The following CSRNP3 variants were observed in gnomAD, a reference collection of about 807,000 sequenced individuals.
The protein encoded by CSRNP3 is cysteine/serine-rich nuclear protein 3.
Under a neutral mutation model 48.0 loss-of-function variants are expected in CSRNP3, and 12 were observed. The ratio of observed to expected loss-of-function variants is 0.25; its 90% CI spans 0.16 to 0.41. The LOEUF is 0.41. Ranked by LOEUF, CSRNP3 falls within the 10% of genes least tolerant of loss-of-function variation. The pLI, the probability that CSRNP3 is intolerant of heterozygous loss-of-function variation, is 1.00. For missense variants in CSRNP3, 580 were observed against 724.4 expected (o/e 0.80, Z 2.29); for synonymous variants, 263 against 269.7 (o/e 0.98, Z 0.24).
chr2:165,477,962 G>A (rs1683987375), intron 1 of CSRNP3, among the ~76,000 whole-genome samples: 1 of 151,526 alleles, frequency 6.6e-6, no homozygotes, highest in African/African-American at 2.4e-5. Context: ...GGGTGACAGA[G>A]TGAGACCCTG....
chr2:165,592,419 G>A (rs1685732885), intron 3 of CSRNP3, among the ~76,000 whole-genome samples: 1 of 152,112 alleles, frequency 6.6e-6, no homozygotes, highest in Non-Finnish European at 1.5e-5. Flanking sequence ...CTAGACCTTA[G>A]GGGGGCCGTT....
intron 3 of CSRNP3, among the ~76,000 whole-genome samples, chr2:165,533,418 A>C (rs1438644150): frequency 6.6e-6 from 1 of 152,092 alleles, no homozygotes; most frequent in Non-Finnish European, 1.5e-5. Flanking sequence ...TTTACACTGT[A>C]GCAATGGGAA....
Position 165,687,763 on chromosome 2 carries a change from G to A in CSRNP3, c.*8010G>A, listed in dbSNP as rs528177509. The stretch of plus-strand genomic sequence containing the variant: ...GCCTGAAAACGAAGGGAGGTGTCGT[G>A]GAGAAATGGTGATTTTTCTGGTTAC... On this transcript the variant is annotated 3_prime_UTR_variant, in exon 7 of 7. Transcript: ENST00000651982. The A allele has an allele frequency of 5.3e-5, 8 of 152,140 alleles. No homozygotes were observed. Among genetic ancestry groups the A allele is most frequent in the African/African-American group, 1.7e-4 (7 of 41,534 alleles). The allele number at this position is 152,140 out of a possible 1,614,324, so 9.4% of individuals were successfully genotyped here. A position where few individuals can be genotyped will look rare whatever the true frequency, so the allele number is the denominator to read the frequency against.
rs200903282 is a variant in CSRNP3 at position 165,626,121 on chromosome 2, G to GC, written c.148+30909dup. ...GCCTATAATCCCAGCTACTTGGGAG[G>GC]CTGAGGCAGGAGAATCGCTTGAACT... On this transcript the variant is annotated intron_variant, in intron 4 of 6. Coordinates refer to ENST00000651982, the MANE Select transcript of CSRNP3 (RefSeq NM_001172173.2). Among the ~76,000 whole-genome samples the GC allele has an allele frequency of 6.2e-3, 945 of 151,816 alleles. 8 individuals carry two copies. Among genetic ancestry groups the GC allele is most frequent in the African/African-American group, 0.022 (913 of 41,342 alleles).
chr2:165,543,201 A>C (rs77019673), intron 3 of CSRNP3, among the ~76,000 whole-genome samples: 2 of 152,170 alleles, frequency 1.3e-5, no homozygotes, highest in African/African-American at 4.8e-5. Context: ...CCAGACATCT[A>C]TCTGGACTGC....
chr2:165,479,895 A>G lies in CSRNP3; in HGVS notation c.-283+10155A>G, dbSNP rs937330430. Among the ~76,000 whole-genome samples, 151 of 152,092 alleles carry G rather than the reference A, an allele frequency of 9.9e-4. 3 individuals carry two copies. Among genetic ancestry groups the G allele is most frequent in the African/African-American group, 3.4e-3 (142 of 41,488 alleles). On this transcript the variant is annotated intron_variant, in intron 1 of 6. Transcript: ENST00000651982. ...TGAGACCAGTCTCAAAAAAAAAAAA[A>G]AAATAGTCCTGCACGGTATGGCTAG...
At chr2:165,595,993 G>T (rs1315831622) in intron 4 of CSRNP3, among the ~76,000 whole-genome samples, 1 of 151,814 alleles carries the variant, frequency 6.6e-6, no homozygotes, top group Non-Finnish European at 1.5e-5. Context: ...GTATTTTTTT[G>T]TATTTTTAGT....
chr2:165,484,634 A>G (rs1277180591), intron 1 of CSRNP3, among the ~76,000 whole-genome samples: 8 of 152,190 alleles, frequency 5.3e-5, no homozygotes, highest in Admixed American at 3.3e-4. Flanking sequence ...TTGCTTGACT[A>G]TGTGGATGGG....
At chr2:165,648,853 T>C (rs1686857260) in intron 4 of CSRNP3, among the ~76,000 whole-genome samples, 1 of 152,230 alleles carries the variant, frequency 6.6e-6, no homozygotes, top group African/African-American at 2.4e-5. Context: ...TACATCAAAA[T>C]CTTGGGCAAT....
At chr2:165,629,080 T>C (rs887531402) in intron 4 of CSRNP3, among the ~76,000 whole-genome samples, 2 of 152,184 alleles carry the variant, frequency 1.3e-5, no homozygotes, top group African/African-American at 4.8e-5. Context: ...ACTATGGAAA[T>C]TGATAAACAC....
At chr2:165,535,438 A>G (rs944883902) in intron 3 of CSRNP3, among the ~76,000 whole-genome samples, 16 of 151,904 alleles carry the variant, frequency 1.1e-4, no homozygotes, top group African/African-American at 3.6e-4. Context: ...CTTAATCACA[A>G]ACTAGGCAGT....
intron 3 of CSRNP3, among the ~76,000 whole-genome samples, chr2:165,529,658 T>C (rs1320111816): frequency 2.6e-5 from 4 of 152,230 alleles, no homozygotes; most frequent in African/African-American, 9.6e-5. Flanking sequence ...AACTTCTCTT[T>C]TTTTCAAACC....
chr2:165,568,121 T>C (rs1448069565), intron 3 of CSRNP3, among the ~76,000 whole-genome samples: 1 of 152,040 alleles, frequency 6.6e-6, no homozygotes, highest in African/African-American at 2.4e-5. Flanking sequence ...TTCTCCTTCC[T>C]CTCTCACCGC....
chr2:165,579,418 A>G (rs1323152406), intron 3 of CSRNP3, among the ~76,000 whole-genome samples: 1 of 152,058 alleles, frequency 6.6e-6, no homozygotes, highest in Non-Finnish European at 1.5e-5. Flanking sequence ...CCCTTTTTTT[A>G]TATCCTTTAA....
chr2:165,630,118 G>C (rs970020476), intron 4 of CSRNP3, among the ~76,000 whole-genome samples: 2 of 152,054 alleles, frequency 1.3e-5, no homozygotes, highest in African/African-American at 2.4e-5. Flanking sequence ...TAAAACCTAG[G>C]GTGCATCATC....
intron 5 of CSRNP3, among the ~76,000 whole-genome samples, chr2:165,668,552 C>T (rs1687274665): frequency 6.6e-6 from 1 of 151,972 alleles, no homozygotes; most frequent in Non-Finnish European, 1.5e-5. Flanking sequence ...CAGGTGCCTG[C>T]CATCAATCCT....
chr2:165,678,593 G>A (rs1687468131), intron 6 of CSRNP3, 108 bp from the exon 7 acceptor site: 2 of 1,313,238 alleles, frequency 1.5e-6, no homozygotes. Flanking sequence ...TGGCATATGT[G>A]GAATTAAGTG....
At chr2:165,486,102 C>G (rs1207444712) in intron 1 of CSRNP3, among the ~76,000 whole-genome samples, 2 of 152,180 alleles carry the variant, frequency 1.3e-5, no homozygotes, top group Admixed American at 1.3e-4. Flanking sequence ...CGTGCGCGAG[C>G]CGAAGCAGGG....
intron 3 of CSRNP3, among the ~76,000 whole-genome samples, chr2:165,529,838 G>A (rs547374146): frequency 2.6e-5 from 4 of 152,116 alleles, no homozygotes; most frequent in Non-Finnish European, 5.9e-5. Context: ...TCCTATTCCT[G>A]TCTATAAAGG....
Sources: gnomAD v4.1 joint callset for allele counts (sites outside exome capture counted in the v4.1 genomes callset) on GRCh38, gnomAD v4.1.1 for gene constraint, MANE v1.5 for transcripts, NCBI Gene and HGNC (gene_info 2026-07-23, HGNC 2026-07-21) for gene names.